The following STAG1 variants were observed in gnomAD, a reference collection of about 807,000 sequenced individuals.
The protein encoded by STAG1 is cohesin subunit SA-1.
A neutral mutation model predicts 170.9 loss-of-function variants in STAG1; 26 were observed. The ratio of observed to expected loss-of-function variants is 0.15; its 90% CI spans 0.11 to 0.21. STAG1 has a LOEUF of 0.21. STAG1 is among the 10% of genes least tolerant of loss of function. The pLI is 1.00. For missense variants in STAG1, 964 were observed against 1,509.5 expected (o/e 0.64, Z 5.99); for synonymous variants, 514 against 497.7 (o/e 1.03, Z -0.44).
intron 9 of STAG1, among the ~76,000 whole-genome samples, chr3:136,478,507 C>T (rs1455134526): frequency 2.0e-5 from 3 of 152,116 alleles, no homozygotes; most frequent in Non-Finnish European, 4.4e-5. Flanking sequence ...GATCAATCTT[C>T]AAGGTTTCTG....
chr3:136,706,082 ACAAACAAAAAACT>A (rs995677995), intron 1 of STAG1, among the ~76,000 whole-genome samples: 1 of 152,176 alleles, frequency 6.6e-6, no homozygotes, highest in Non-Finnish European at 1.5e-5. Context: ...AAATAAACAA[ACAAACAAAAAACT>A]CAGGAAACCA....
chr3:136,625,406 A>G (rs1940049608), intron 2 of STAG1, among the ~76,000 whole-genome samples: 2 of 152,168 alleles, frequency 1.3e-5, no homozygotes, highest in African/African-American at 4.8e-5. Context: ...CTGACTCAGG[A>G]TTTTTATCTT....
At chr3:136,345,734 T>C (rs1478567274) in intron 29 of STAG1, among the ~76,000 whole-genome samples, 1 of 152,168 alleles carries the variant, frequency 6.6e-6, no homozygotes, top group Non-Finnish European at 1.5e-5. Flanking sequence ...CTCAGAGATG[T>C]GTGTGTTAGG....
At chr3:136,461,660 G>A (rs545296376) in intron 13 of STAG1, among the ~76,000 whole-genome samples, 180 of 151,450 alleles carry the variant, frequency 1.2e-3, no homozygotes, top group African/African-American at 3.7e-3. Flanking sequence ...GAGTTTTGGG[G>A]CAAGACCTCA....
At chr3:136,426,164 T>G (rs1478245559) in intron 16 of STAG1, among the ~76,000 whole-genome samples, 2 of 151,360 alleles carry the variant, frequency 1.3e-5, no homozygotes, top group African/African-American at 4.9e-5. Context: ...TCCCAGCACT[T>G]TGGGAGGCCG....
chr3:136,644,552 T>C (rs1450814100), intron 1 of STAG1, among the ~76,000 whole-genome samples: 1 of 152,182 alleles, frequency 6.6e-6, no homozygotes, highest in African/African-American at 2.4e-5. Flanking sequence ...ACTGTTATAC[T>C]AAGTACAAAA....
chr3:136,377,512 A>G (rs992691791), intron 23 of STAG1, 148 bp downstream of exon 23: 3 of 580,416 alleles, frequency 5.2e-6, no homozygotes, highest in African/African-American at 1.9e-5. Flanking sequence ...TATAACATAA[A>G]TTCACACATC....
chr3:136,357,585 T>A (rs890898045), intron 28 of STAG1, 135 bp downstream of exon 28: 1 of 646,224 alleles, frequency 1.5e-6, no homozygotes, highest in Non-Finnish European at 2.5e-6. Flanking sequence ...AGGAAAACTA[T>A]AATTCCTTAA....
intron 9 of STAG1, among the ~76,000 whole-genome samples, chr3:136,492,371 G>T (rs1341125944): frequency 2.0e-5 from 3 of 152,170 alleles, no homozygotes; most frequent in African/African-American, 7.2e-5. Flanking sequence ...AGGATAATAG[G>T]TTGAAAGCTT....
At chr3:136,543,412 G>T (rs946875873) in intron 5 of STAG1, among the ~76,000 whole-genome samples, 2 of 152,176 alleles carry the variant, frequency 1.3e-5, no homozygotes, top group African/African-American at 4.8e-5. Flanking sequence ...GAAATACTGT[G>T]TTTTTGTTAT....
chr3:136,458,570 T>C (rs1020311124), intron 13 of STAG1, among the ~76,000 whole-genome samples: 8 of 152,214 alleles, frequency 5.3e-5, no homozygotes, highest in African/African-American at 1.7e-4. Flanking sequence ...AATATATTAT[T>C]AGATAACTAA....
intron 3 of STAG1, among the ~76,000 whole-genome samples, chr3:136,618,590 C>T (rs1293585175): frequency 1.3e-5 from 2 of 151,988 alleles, no homozygotes; most frequent in Admixed American, 6.6e-5. Context: ...GAAAAAAATC[C>T]ATAATAAAAC....
At chr3:136,513,885 A>G (rs1178772781) in intron 7 of STAG1, among the ~76,000 whole-genome samples, 5 of 152,168 alleles carry the variant, frequency 3.3e-5, no homozygotes, top group Non-Finnish European at 4.4e-5. Context: ...GAAACAATTA[A>G]GTAGCATCTA....
intron 6 of STAG1, among the ~76,000 whole-genome samples, chr3:136,541,533 A>AACATTCACAC (rs1422002273): frequency 3.4e-5 from 3 of 86,970 alleles, no homozygotes; most frequent in Non-Finnish European, 8.5e-5. Flanking sequence ...ATAGAAGCTT[A>AACATTCACAC]ACATTCACAC....
chr3:136,421,214 A>G (rs1040934298), intron 19 of STAG1, 51 bp from the exon 20 acceptor site: 15 of 1,145,514 alleles, frequency 1.3e-5, no homozygotes, highest in Admixed American at 2.4e-5. Flanking sequence ...ACCTTATAGT[A>G]TATTACTACT....
chr3:136,586,053 G>A (rs1488212150), intron 4 of STAG1, among the ~76,000 whole-genome samples: 1 of 152,118 alleles, frequency 6.6e-6, no homozygotes, highest in Middle Eastern at 3.2e-3. Context: ...GTACATGCAG[G>A]ATAATTTGGC....
chr3:136,671,141 T>C (rs1251682124), intron 1 of STAG1, among the ~76,000 whole-genome samples: 2 of 152,026 alleles, frequency 1.3e-5, no homozygotes, highest in Non-Finnish European at 2.9e-5. Context: ...AAAAATTAGC[T>C]GGGCATGGTG....
intron 1 of STAG1, among the ~76,000 whole-genome samples, chr3:136,723,831 T>G (rs1163780793): frequency 1.8e-5 from 2 of 113,800 alleles, no homozygotes; most frequent in African/African-American, 3.4e-5. Context: ...GGGAGGGAGG[T>G]GGGGGGGTCA....
At chr3:136,751,478 C>T (rs1306708165) in intron 1 of STAG1, among the ~76,000 whole-genome samples, 2 of 151,996 alleles carry the variant, frequency 1.3e-5, no homozygotes, top group Non-Finnish European at 2.9e-5. Flanking sequence ...TCTCAGGGGA[C>T]TGGCAAACTA....
Sources: gnomAD v4.1 joint callset for allele counts (sites outside exome capture counted in the v4.1 genomes callset) on GRCh38, gnomAD v4.1.1 for gene constraint, MANE v1.5 for transcripts, NCBI Gene and HGNC (gene_info 2026-07-23, HGNC 2026-07-21) for gene names.